The following FCHSD2 variants were observed in gnomAD, a reference collection of about 807,000 sequenced individuals.
The protein encoded by FCHSD2 is FCH and double SH3 domains 2, also known as F-BAR and double SH3 domains protein 2.
Under a neutral mutation model 108.1 loss-of-function variants are expected in FCHSD2, and 38 were observed. The ratio of observed to expected loss-of-function variants is 0.35; its 90% CI spans 0.27 to 0.46. The LOEUF (loss-of-function observed/expected upper bound fraction) is 0.46. Ranked by LOEUF, FCHSD2 falls within the 20% of genes least tolerant of loss-of-function variation. The probability of loss-of-function intolerance (pLI) is 1.00; values close to 1 mark genes in which losing one functional copy is unlikely to be tolerated. For synonymous variants in FCHSD2, 279 were observed against 314.7 expected, an observed-to-expected ratio of 0.89 and a Z score of 1.20; for missense variants, 751 against 897.8, an observed-to-expected ratio of 0.84 and a Z score of 2.09.
intron 9 of FCHSD2, among the ~76,000 whole-genome samples, chr11:72,916,631 A>G (rs1555053999): frequency 6.6e-6 from 1 of 152,040 alleles, no homozygotes; most frequent in Non-Finnish European, 1.5e-5. Flanking sequence ...GTTCACTTTT[A>G]TATTGGGTTG....
chr11:73,058,963 A>G (rs371582743), intron 3 of FCHSD2, among the ~76,000 whole-genome samples: 26 of 152,320 alleles, frequency 1.7e-4, no homozygotes, highest in African/African-American at 5.3e-4. Context: ...CAGTCCTTAC[A>G]TTGATAGGCT....
At position 72,939,010 on chromosome 11, in the gene FCHSD2, T is replaced by C. The variant is rs545894055; in HGVS notation, c.706-17060A>G. 2.0e-5 allele frequency among the ~76,000 whole-genome samples: 3 copies of C among 152,320 alleles called. No individual in the cohort carries two copies. In the East Asian group the frequency reaches 5.8e-4, roughly 29 times the overall value. ...GGCCTCTGAGCTACTAAACATGTAA[T>C]GCAGGATATTTTCAAATTTTAATAC... On this transcript the variant is annotated intron_variant, in intron 8 of 19. Coordinates refer to ENST00000409418, the MANE Select transcript of FCHSD2 (RefSeq NM_014824.3).
At chr11:72,841,105 C>G (rs1235608785) in intron 18 of FCHSD2, 146 bp from the exon 19 acceptor site, 5 of 666,384 alleles carry the variant, frequency 7.5e-6, no homozygotes, top group Non-Finnish European at 1.3e-5. Flanking sequence ...AAGTTCAAGG[C>G]TGCAGTGAGC....
At chr11:72,867,664 TA>T (rs1228842590) in intron 13 of FCHSD2, among the ~76,000 whole-genome samples, 200 bp downstream of exon 13, 4 of 152,060 alleles carry the variant, frequency 2.6e-5, no homozygotes, top group Admixed American at 1.3e-4. Context: ...CATCATACAT[TA>T]AAAAAAACAC....
At chr11:73,137,747 A>G (rs1861156116) in intron 2 of FCHSD2, among the ~76,000 whole-genome samples, 1 of 152,220 alleles carries the variant, frequency 6.6e-6, no homozygotes, top group African/African-American at 2.4e-5. Context: ...CAGCATACAC[A>G]GGGGCATGAA....
intron 8 of FCHSD2, chr11:72,941,068 G>A (rs1486013493): frequency 2.6e-5 from 16 of 624,908 alleles, no homozygotes; most frequent in Non-Finnish European, 4.4e-5. Flanking sequence ...TTGCCGGGCA[G>A]CTTAGAGAAG....
At chr11:73,073,536 A>T (rs1303114709) in intron 3 of FCHSD2, among the ~76,000 whole-genome samples, 1 of 152,210 alleles carries the variant, frequency 6.6e-6, no homozygotes, top group Non-Finnish European at 1.5e-5. Context: ...AATTGCTGTC[A>T]TACGATCAAT....
At chr11:73,087,340 T>C (rs1859842611) in intron 2 of FCHSD2, among the ~76,000 whole-genome samples, 2 of 152,224 alleles carry the variant, frequency 1.3e-5, no homozygotes, top group African/African-American at 4.8e-5. Flanking sequence ...AAAAAGTTTT[T>C]TTTTTAATTT....
intron 8 of FCHSD2, among the ~76,000 whole-genome samples, chr11:72,927,635 C>T (rs1279875932): frequency 1.3e-5 from 2 of 152,206 alleles, no homozygotes; most frequent in African/African-American, 2.4e-5. Context: ...AAGATGGGCC[C>T]TAAGAGTCTG....
intron 8 of FCHSD2, among the ~76,000 whole-genome samples, chr11:72,937,594 C>T (rs974471465): frequency 8.5e-5 from 13 of 152,266 alleles, no homozygotes; most frequent in South Asian, 6.2e-4. Context: ...CTGCCTGCCT[C>T]GGCCTCCCAA....
At position 72,845,987 on chromosome 11, in the gene FCHSD2, T is replaced by G. The variant is rs865980232; in HGVS notation, c.1444-2455A>C. On this transcript the variant is annotated intron_variant, in intron 14 of 19. Coordinates refer to ENST00000409418, the MANE Select transcript of FCHSD2 (RefSeq NM_014824.3). ...TACATGGAAGGTGCTCAAGCACTATTTGTTGAATGAATGGGGTGTTTGATA... is the reference window on the plus strand; with the variant it reads ...TACATGGAAGGTGCTCAAGCACTATGTGTTGAATGAATGGGGTGTTTGATA... 8.5e-5 allele frequency among the ~76,000 whole-genome samples: 13 copies of G among 152,198 alleles called. No homozygotes were observed. The South Asian group carries it at 2.7e-3, about 32-fold the overall frequency.
intron 8 of FCHSD2, among the ~76,000 whole-genome samples, chr11:72,925,805 G>C (rs147068944): frequency 0.022 from 3,302 of 152,276 alleles, 54 homozygotes; most frequent in Non-Finnish European, 0.03. Context: ...TGGCTACAGA[G>C]CCCTGCCCCT....
At chr11:73,061,100 A>G (rs1352991930) in intron 3 of FCHSD2, among the ~76,000 whole-genome samples, 1 of 152,218 alleles carries the variant, frequency 6.6e-6, no homozygotes, top group East Asian at 1.9e-4. Context: ...CTGCATGTCC[A>G]ACTGAGGTAC....
intron 2 of FCHSD2, among the ~76,000 whole-genome samples, chr11:73,126,425 C>T (rs1860861742): frequency 6.9e-6 from 1 of 143,992 alleles, no homozygotes; most frequent in Non-Finnish European, 1.5e-5. Flanking sequence ...GTTTTCCCAA[C>T]TTTGTGCTAC....
chr11:72,892,742 C>G (rs1763189997), intron 10 of FCHSD2, among the ~76,000 whole-genome samples: 1 of 151,598 alleles, frequency 6.6e-6, no homozygotes, highest in African/African-American at 2.4e-5. Context: ...GTAGCTGGGA[C>G]TACAGGCATG....
At chr11:73,019,300 T>C (rs761753691) in intron 3 of FCHSD2, among the ~76,000 whole-genome samples, 17 of 152,208 alleles carry the variant, frequency 1.1e-4, no homozygotes, top group Non-Finnish European at 2.2e-4. Context: ...CTTAACTCTA[T>C]GTTAGGCTTT....
chr11:72,880,096 A>C (rs1017315110), intron 12 of FCHSD2, among the ~76,000 whole-genome samples: 3 of 151,802 alleles, frequency 2.0e-5, no homozygotes, highest in Non-Finnish European at 4.4e-5. Flanking sequence ...AAAACCACCC[A>C]AAAAACAAAA....
At chr11:73,042,895 G>A (rs1858674764) in intron 3 of FCHSD2, among the ~76,000 whole-genome samples, 1 of 151,898 alleles carries the variant, frequency 6.6e-6, no homozygotes, top group South Asian at 2.1e-4. Context: ...ATTTTTGTAT[G>A]GTGATTTTGT....
chr11:72,958,993 A>ATGTGTGTGTGTGTGTGTGTGTGTGTG (rs59339008), intron 8 of FCHSD2, among the ~76,000 whole-genome samples: 1 of 114,782 alleles, frequency 8.7e-6, no homozygotes, highest in South Asian at 3.8e-4. Flanking sequence ...TCAGTAAGAT[A>ATGTGTGTGTGTGTGTGTGTGTGTGTG]TGTGTGTGTG....
Sources: gnomAD v4.1 joint callset for allele counts (sites outside exome capture counted in the v4.1 genomes callset) on GRCh38, gnomAD v4.1.1 for gene constraint, MANE v1.5 for transcripts, NCBI Gene and HGNC (gene_info 2026-07-23, HGNC 2026-07-21) for gene names.